Variants in SLC25A26 observed in about 807,000 individuals in gnomAD.
SLC25A26 encodes the protein solute carrier family 25 member 26, also known as mitochondrial S-adenosylmethionine carrier protein.
A neutral mutation model predicts 37.8 loss-of-function variants in SLC25A26; 36 were observed. The observed-to-expected ratio is 0.95, with a 90% confidence interval of 0.73 to 1.26. SLC25A26 has a LOEUF of 1.26. Among genes scored for constraint, SLC25A26 ranks in the 50% most tolerant of loss-of-function variants. The pLI is 0.00. For synonymous variants in SLC25A26, 129 were observed against 122.5 expected (o/e 1.05, Z -0.35); for missense variants, 390 against 331.1 (o/e 1.18, Z -1.38).
chr3:66,186,848 T>G (rs2070838166), intron 1 of SLC25A26, among the ~76,000 whole-genome samples: 1 of 151,986 alleles, frequency 6.6e-6, no homozygotes, highest in East Asian at 1.9e-4. Context: ...TCAGCAAGAC[T>G]CTGATATTCA....
At chr3:66,368,981 A>G (rs1379039620) in intron 7 of SLC25A26, among the ~76,000 whole-genome samples, 5 of 144,056 alleles carry the variant, frequency 3.5e-5, no homozygotes, top group Non-Finnish European at 3.0e-5. Flanking sequence ...TGATCACACC[A>G]CTGCACTCCA....
chr3:66,291,701 A>C (rs13062973), intron 5 of SLC25A26, among the ~76,000 whole-genome samples: 139 of 152,096 alleles, frequency 9.1e-4, no homozygotes, highest in African/African-American at 3.1e-3. Flanking sequence ...ACATTTGCTG[A>C]GGAGTGTTTT....
intron 1 of SLC25A26, among the ~76,000 whole-genome samples, chr3:66,227,248 A>G (rs542400931): frequency 6.6e-6 from 1 of 152,306 alleles, no homozygotes; most frequent in African/African-American, 2.4e-5. Context: ...ACTTATCTAG[A>G]TTAATGACAG....
intron 1 of SLC25A26, among the ~76,000 whole-genome samples, chr3:66,213,645 C>G (rs2071318750): frequency 6.6e-6 from 1 of 152,070 alleles, no homozygotes; most frequent in Admixed American, 6.6e-5. Context: ...TACCCCAAAT[C>G]CACAGTTTAC....
intron 1 of SLC25A26, among the ~76,000 whole-genome samples, chr3:66,209,778 G>A (rs2071250938): frequency 1.6e-5 from 2 of 124,242 alleles, no homozygotes; most frequent in Admixed American, 8.3e-5. Flanking sequence ...TATCTATAAA[G>A]GTATATATAT....
At chr3:66,276,957 G>GAA (rs56071860) in intron 5 of SLC25A26, among the ~76,000 whole-genome samples, 13,444 of 124,354 alleles carry the variant, frequency 0.11, 769 homozygotes, top group African/African-American at 0.16. Context: ...GGCACTGTTT[G>GAA]AAAAAAAAAA....
rs1559575401 is a variant in SLC25A26, at chr3:66,204,438, AAG to A, written c.-353-16302_-353-16301del. 1.2e-4 allele frequency among the ~76,000 whole-genome samples: 11 copies of A among 90,122 alleles called. No individual in the cohort carries two copies. In the East Asian group the frequency reaches 1.3e-3, roughly 10 times the overall value. 59.1% of individuals were successfully genotyped at this position (90,122 alleles called of 152,430 possible). Reference sequence around the variant, plus strand: ...GATACTCCGTCTCAAAAAAAAAAAAAAGAAAAAAAGAAAAAAGAAAGAAAAAG... The same window carrying A: ...GATACTCCGTCTCAAAAAAAAAAAAAAAAAAAAGAAAAAAGAAAGAAAAAG... On this transcript the variant is annotated intron_variant, in intron 1 of 10. Coordinates refer to the SLC25A26 transcript ENST00000676754.
chr3:66,377,018 C>T (rs988483539), intron 9 of SLC25A26, among the ~76,000 whole-genome samples: 3 of 152,064 alleles, frequency 2.0e-5, no homozygotes, highest in Admixed American at 2.0e-4. Context: ...AGCAATGCCA[C>T]AATGAAAATT....
intron 1 of SLC25A26, among the ~76,000 whole-genome samples, chr3:66,229,174 A>G (rs2071894175): frequency 6.6e-6 from 1 of 152,208 alleles, no homozygotes; most frequent in South Asian, 2.1e-4. Context: ...ATAATTGATT[A>G]AGGCCTAGGC....
At chr3:66,355,953 T>C (rs182599254) in intron 6 of SLC25A26, 2 of 447,272 alleles carry the variant, frequency 4.5e-6, no homozygotes, top group African/African-American at 4.0e-5. Flanking sequence ...TAATTTGGAA[T>C]TGAGTAGATG....
chr3:66,246,127 G>T (rs1399699375), intron 3 of SLC25A26, among the ~76,000 whole-genome samples: 2 of 152,206 alleles, frequency 1.3e-5, no homozygotes, highest in African/African-American at 4.8e-5. Context: ...GTTCATCCGT[G>T]TTGTAGCATC....
intron 5 of SLC25A26, among the ~76,000 whole-genome samples, chr3:66,274,728 G>C (rs373153263): frequency 3.1e-5 from 4 of 130,304 alleles, no homozygotes; most frequent in Non-Finnish European, 5.3e-5. Flanking sequence ...TTAGAATGGC[G>C]ATCATTAAAA....
Position 66,377,767 on chromosome 3 carries a change from C to G in SLC25A26, c.785C>G (p.Thr262Arg). The G allele has an allele frequency of 6.2e-7, 1 of 1,613,908 alleles. No individual in the cohort carries two copies. Among genetic ancestry groups the G allele is most frequent in the Admixed American group, 1.7e-5 (1 of 60,014 alleles). The part of the protein sequence containing the change: ...GFIFLGAYDR[T>R]HSLLLEVGRK... ...ATCTTTCTGGGGGCTTATGACCGAA[C>G]GCACAGCTTGCTGTTGGAAGTTGGC... The change falls in exon 10 of 10, where the codon ACG becomes AGG. Residue 262 changes from threonine to arginine, a missense_variant. Coordinates refer to ENST00000354883, the MANE Select transcript of SLC25A26 (RefSeq NM_001379210.1).
At chr3:66,174,808 A>G (rs1422845097) in intron 1 of SLC25A26, among the ~76,000 whole-genome samples, 5 of 134,808 alleles carry the variant, frequency 3.7e-5, no homozygotes, top group Non-Finnish European at 6.4e-5. Context: ...AGAAAAAAAA[A>G]AAAAGAAAAA....
At chr3:66,217,502 G>T (rs927257043), upstream of SLC25A26, among the ~76,000 whole-genome samples, 28 of 151,832 alleles carry the variant, frequency 1.8e-4, no homozygotes, top group Non-Finnish European at 2.5e-4. Flanking sequence ...TCATCATCCT[G>T]CGAGATAGTA....
intron 5 of SLC25A26, among the ~76,000 whole-genome samples, chr3:66,270,965 G>T (rs2073936438): frequency 6.6e-6 from 1 of 152,104 alleles, no homozygotes; most frequent in Non-Finnish European, 1.5e-5. Flanking sequence ...TTCCATTGTT[G>T]CATGTTGGCC....
In SLC25A26 at chr3:66,162,553, A is replaced by G. The variant is rs149706477; in HGVS notation, c.-354+28569A>G. 2.3e-3 allele frequency among the ~76,000 whole-genome samples: 353 copies of G among 152,330 alleles called. 1 individual carries two copies. The highest frequency in any genetic ancestry group is 0.014 in the Middle Eastern group (4 of 294). On this transcript the variant is annotated intron_variant, in intron 1 of 10. Transcript: ENST00000676754. ...AATGGCTAGAGTCTAGATGTGATGT[A>G]GAAAGCAAGAAGACTTGAGACTAGA... is the stretch of plus-strand genomic sequence containing the variant.
chr3:66,377,520 A>T (rs1700740910), intron 9 of SLC25A26, among the ~76,000 whole-genome samples, 170 bp from the exon 10 acceptor site: 1 of 151,994 alleles, frequency 6.6e-6, no homozygotes, highest in Non-Finnish European at 1.5e-5. Context: ...AAAGTTTTAG[A>T]ACTACTGTTG....
At chr3:66,159,498 G>T (rs1011357574) in intron 1 of SLC25A26, among the ~76,000 whole-genome samples, 35 of 152,280 alleles carry the variant, frequency 2.3e-4, no homozygotes, top group African/African-American at 8.2e-4. Context: ...TTTTATGCCA[G>T]TCCATTAGCA....
Sources: allele counts gnomAD v4.1 joint callset (sites outside exome capture counted in the v4.1 genomes callset), GRCh38; gene constraint gnomAD v4.1.1; transcripts MANE v1.5; gene names NCBI Gene and HGNC (gene_info 2026-07-23, HGNC 2026-07-21).